CDH4: variants seen among roughly 807,000 people sequenced by gnomAD.
CDH4 encodes the protein cadherin-4.
CDH4 carries 33 observed loss-of-function variants against 86.0 expected under a neutral mutation model. The ratio of observed to expected loss-of-function variants is 0.38; its 90% CI spans 0.29 to 0.51. CDH4 has a LOEUF of 0.51. Among genes scored for constraint, CDH4 ranks in the 20% least tolerant of loss-of-function variants. The pLI, the probability that CDH4 is intolerant of heterozygous loss-of-function variation, is 0.86. For missense variants in CDH4, 1,114 were observed against 1,307.4 expected, an observed-to-expected ratio of 0.85 and a Z score of 2.28; for synonymous variants, 555 against 549.4, an observed-to-expected ratio of 1.01 and a Z score of -0.14.
At chr20:61,929,184 A>G (rs983671195) in intron 12 of CDH4, among the ~76,000 whole-genome samples, 1 of 149,248 alleles carries the variant, frequency 6.7e-6, no homozygotes, top group African/African-American at 2.5e-5. Flanking sequence ...ACTGTTGCCC[A>G]GGCAGAAGTG....
At chr20:61,409,507 C>T (rs1195074059) in intron 2 of CDH4, among the ~76,000 whole-genome samples, 1 of 152,250 alleles carries the variant, frequency 6.6e-6, no homozygotes, top group African/African-American at 2.4e-5. Context: ...GCTGCATGCT[C>T]ATCACACCCG....
chr20:61,674,735 T>C (rs904299176), intron 2 of CDH4, among the ~76,000 whole-genome samples: 14 of 152,352 alleles, frequency 9.2e-5, no homozygotes, highest in African/African-American at 2.9e-4. Context: ...GACATTCATT[T>C]TGGGGAGTGA....
At chr20:61,586,522 G>T (rs377759578) in intron 2 of CDH4, among the ~76,000 whole-genome samples, 1 of 152,242 alleles carries the variant, frequency 6.6e-6, no homozygotes, top group Admixed American at 6.5e-5. Context: ...GACCCTGGAC[G>T]TGAGGTAACT....
chr20:61,756,011 G>A (rs982896745), intron 3 of CDH4, among the ~76,000 whole-genome samples: 5 of 152,174 alleles, frequency 3.3e-5, no homozygotes, highest in Non-Finnish European at 7.4e-5. Flanking sequence ...CGCCCAGCCC[G>A]TGCCCCCCAT....
intron 2 of CDH4, among the ~76,000 whole-genome samples, chr20:61,707,713 G>A (rs760449046): frequency 6.6e-6 from 1 of 152,182 alleles, no homozygotes; most frequent in Non-Finnish European, 1.5e-5. Context: ...GGACGGTTTT[G>A]AGATAAAACT....
intron 4 of CDH4, among the ~76,000 whole-genome samples, chr20:61,806,610 G>A (rs1939052903): frequency 1.3e-5 from 2 of 152,326 alleles, no homozygotes; most frequent in East Asian, 1.9e-4. Flanking sequence ...AGCAGGTGGA[G>A]GGTGGGGGCT....
chr20:61,310,937 C>T (rs1431001954), intron 2 of CDH4, among the ~76,000 whole-genome samples: 2 of 152,298 alleles, frequency 1.3e-5, no homozygotes, highest in South Asian at 2.1e-4. Context: ...AATACAGCCA[C>T]GTTCTGTGGT....
chr20:61,752,152 T>G (rs974509984), intron 3 of CDH4, among the ~76,000 whole-genome samples: 22 of 151,952 alleles, frequency 1.4e-4, no homozygotes, highest in Non-Finnish European at 2.8e-4. Context: ...GCTAACATGG[T>G]GAAACCCTGT....
At chr20:61,313,526 C>T (rs6093091) in intron 2 of CDH4, among the ~76,000 whole-genome samples, 2,122 of 152,310 alleles carry the variant, frequency 0.014, 60 homozygotes, top group African/African-American at 0.049. Context: ...TCTCACAGTG[C>T]ATGGACCACT....
At position 61,495,396 on chromosome 20, in the gene CDH4, C is replaced by A. The variant is rs551024923; in HGVS notation, c.169+240459C>A. Among the ~76,000 whole-genome samples the A allele has an allele frequency of 4.2e-3, 635 of 152,244 alleles. 5 individuals are homozygous for A. Among genetic ancestry groups the A allele is most frequent in the Non-Finnish European group, 6.2e-3 (421 of 67,992 alleles). ...CCACATGGAGCCTGGAACCCCTCCC[C>A]CCGCCGCCAGCCCCCCGCTTATCCT... On this transcript the variant is annotated intron_variant, in intron 2 of 15. Transcript: ENST00000614565.
intron 2 of CDH4, among the ~76,000 whole-genome samples, chr20:61,488,146 A>G (rs1353964374): frequency 6.6e-6 from 1 of 152,202 alleles, no homozygotes; most frequent in Non-Finnish European, 1.5e-5. Flanking sequence ...GCAGTGATCT[A>G]ACATCGCCGA....
chr20:61,502,840 A>G (rs1351102992), intron 2 of CDH4, among the ~76,000 whole-genome samples: 1 of 152,208 alleles, frequency 6.6e-6, no homozygotes, highest in East Asian at 1.9e-4. Context: ...ACATCAAATA[A>G]TGTATTAAAC....
At chr20:61,289,013 C>T (rs1476647558) in intron 2 of CDH4, among the ~76,000 whole-genome samples, 1 of 152,198 alleles carries the variant, frequency 6.6e-6, no homozygotes, top group East Asian at 1.9e-4. Flanking sequence ...TTCTCTTTCT[C>T]AAGCAGTTGG....
At chr20:61,349,884 G>A (rs1033897985) in intron 2 of CDH4, among the ~76,000 whole-genome samples, 7 of 152,152 alleles carry the variant, frequency 4.6e-5, no homozygotes, top group Non-Finnish European at 8.8e-5. Context: ...TCACCCCCGG[G>A]GCAGGGCAGC....
chr20:61,712,791 T>C (rs1414752607), intron 2 of CDH4, among the ~76,000 whole-genome samples: 2 of 152,154 alleles, frequency 1.3e-5, no homozygotes, highest in Non-Finnish European at 2.9e-5. Context: ...AGCCTCATGC[T>C]GGGCCCTGGT....
At chr20:61,329,466 T>TGCCTCGTGGGTCTGGGACGCAGGTC (rs2084558862) in intron 2 of CDH4, among the ~76,000 whole-genome samples, 10 of 37,250 alleles carry the variant, frequency 2.7e-4, no homozygotes, top group African/African-American at 3.8e-4. Context: ...GGATGTGGGT[T>TGCCTCGTGGGTCTGGGACGCAGGTC]GAGGTGGCTG....
At chr20:61,657,446 C>G (rs1469114781) in intron 2 of CDH4, among the ~76,000 whole-genome samples, 1 of 152,226 alleles carries the variant, frequency 6.6e-6, no homozygotes, top group African/African-American at 2.4e-5. Flanking sequence ...TTCAAAGCAC[C>G]TTAATAATGC....
chr20:61,771,621 CAAAAA>C (rs71331929), intron 3 of CDH4, among the ~76,000 whole-genome samples: 2 of 110,088 alleles, frequency 1.8e-5, no homozygotes, highest in African/African-American at 3.6e-5. Flanking sequence ...GACTCCATCT[CAAAAA>C]AAAAAAAAAA....
chr20:61,454,473 T>C (rs1252425927), intron 2 of CDH4, among the ~76,000 whole-genome samples: 1 of 151,664 alleles, frequency 6.6e-6, no homozygotes. Context: ...TGAGACGGAG[T>C]CTCACTCTGT....
Sources: allele counts gnomAD v4.1 joint callset (sites outside exome capture counted in the v4.1 genomes callset), GRCh38; gene constraint gnomAD v4.1.1; transcripts MANE v1.5; gene names NCBI Gene and HGNC (gene_info 2026-07-23, HGNC 2026-07-21).